Variants in GABRG3 observed in about 807,000 individuals in gnomAD.
GABRG3 encodes the protein gamma-aminobutyric acid type A receptor subunit gamma3, also known as gamma-aminobutyric acid receptor subunit gamma-3.
In GABRG3, 25 loss-of-function variants were observed where a neutral mutation model predicts 48.8. That is an observed-to-expected ratio of 0.51 (90% CI 0.37 to 0.72). The LOEUF is 0.72. GABRG3 is among the 30% of genes least tolerant of loss of function. GABRG3 has a pLI of 0.00. For synonymous variants in GABRG3, 227 were observed against 217.6 expected (o/e 1.04, Z -0.38); for missense variants, 394 against 577.9 (o/e 0.68, Z 3.26).
At chr15:27,246,059 G>A (rs994560332) in intron 3 of GABRG3, among the ~76,000 whole-genome samples, 3 of 151,960 alleles carry the variant, frequency 2.0e-5, no homozygotes, top group Non-Finnish European at 4.4e-5. Flanking sequence ...CAGCTGCCAC[G>A]TGGACTCATC....
At chr15:27,229,724 G>T (rs781358043) in intron 3 of GABRG3, among the ~76,000 whole-genome samples, 1 of 151,980 alleles carries the variant, frequency 6.6e-6, no homozygotes, top group South Asian at 2.1e-4. Context: ...TGATCTGCCC[G>T]CCTCGGACCC....
chr15:27,186,052 G>A (rs919687480), intron 3 of GABRG3, among the ~76,000 whole-genome samples: 2 of 147,336 alleles, frequency 1.4e-5, no homozygotes, highest in African/African-American at 2.5e-5. Flanking sequence ...TTGTAGAATC[G>A]GGATACATAT....
At position 27,127,688 on chromosome 15, in the gene GABRG3, G is replaced by A. The variant is rs562475556; in HGVS notation, c.270+100867G>A. 2.3e-4 allele frequency among the ~76,000 whole-genome samples: 35 copies of A among 152,168 alleles called. No homozygotes were observed. In the South Asian group the frequency reaches 7.1e-3, roughly 31 times the overall value. On this transcript the variant is annotated intron_variant, in intron 3 of 9. Transcript: ENST00000615808. ...TTAAGCAGTGTTTGTTTTGGTGACC[G>A]CATTATTCCCTTTTTCCCCAAGTCA...
At chr15:27,153,083 G>A (rs208160) in intron 3 of GABRG3, among the ~76,000 whole-genome samples, 36 of 151,910 alleles carry the variant, frequency 2.4e-4, no homozygotes, top group African/African-American at 7.3e-4. Flanking sequence ...GGATGGTCTC[G>A]ATCTCCTGAC....
intron 3 of GABRG3, among the ~76,000 whole-genome samples, chr15:27,289,357 T>C (rs1442750417): frequency 6.6e-6 from 1 of 152,236 alleles, no homozygotes; most frequent in Non-Finnish European, 1.5e-5. Flanking sequence ...TTTATTTTTT[T>C]ATTCTTCAAA....
chr15:27,057,337 CT>C (rs1292151419), intron 3 of GABRG3, among the ~76,000 whole-genome samples: 1 of 152,188 alleles, frequency 6.6e-6, no homozygotes, highest in African/African-American at 2.4e-5. Flanking sequence ...CATTTCTGCT[CT>C]TGTAGTTTCA....
chr15:27,147,893 C>T (rs932705348), intron 3 of GABRG3, among the ~76,000 whole-genome samples: 9 of 151,662 alleles, frequency 5.9e-5, no homozygotes, highest in Admixed American at 5.3e-4. Flanking sequence ...ATAACTTTAC[C>T]TTTCCCCTAA....
intron 3 of GABRG3, among the ~76,000 whole-genome samples, chr15:27,064,557 G>A (rs1013749726): frequency 2.6e-5 from 4 of 152,124 alleles, no homozygotes; most frequent in Admixed American, 2.6e-4. Flanking sequence ...CTGCCTCTTT[G>A]TTTGCTGTCC....
intron 3 of GABRG3, among the ~76,000 whole-genome samples, chr15:27,249,309 CT>C (rs1890379656): frequency 6.6e-6 from 1 of 152,294 alleles, no homozygotes; most frequent in East Asian, 1.9e-4. Flanking sequence ...GGCACATCCC[CT>C]GTTCCTCACA....
chr15:27,479,413 G>A lies in GABRG3; in HGVS notation c.575-1237G>A, dbSNP rs976807993. Among the ~76,000 whole-genome samples the A allele has an allele frequency of 1.2e-4, 18 of 152,092 alleles. 1 individual carries two copies. Among genetic ancestry groups the A allele is most frequent in the South Asian group, 6.2e-4 (3 of 4,826 alleles). ...CTGCTGTGTTGACAATAATTTCACCGGGCAACCCACAATCAGAAAGCAGGG... is the reference window on the plus strand; with the variant it reads ...CTGCTGTGTTGACAATAATTTCACCAGGCAACCCACAATCAGAAAGCAGGG... On this transcript the variant is annotated intron_variant, in intron 5 of 9. Transcript: ENST00000615808.
intron 3 of GABRG3, among the ~76,000 whole-genome samples, chr15:27,221,520 C>G (rs1414571985): frequency 6.6e-6 from 1 of 151,924 alleles, no homozygotes; most frequent in Non-Finnish European, 1.5e-5. Context: ...GAAAATTAGC[C>G]TGTTTAAAGT....
At chr15:27,274,794 C>G (rs918825931) in intron 3 of GABRG3, among the ~76,000 whole-genome samples, 1 of 152,146 alleles carries the variant, frequency 6.6e-6, no homozygotes, top group Non-Finnish European at 1.5e-5. Context: ...AATGCCCAAA[C>G]AATTATTATA....
In GABRG3 at chr15:27,352,090, GTGTATGATGTGTGTA is replaced by G. The variant is rs1367206203; in HGVS notation, c.574+23209_574+23223del. On this transcript the variant is annotated intron_variant, in intron 5 of 9. Transcript: ENST00000615808. The surrounding 1 kb of genome is among the most constrained non-coding windows in gnomAD (Gnocchi z 4.0). Reference sequence around the variant, plus strand: ...GTGTGTGTGTGTATGGTGCATGTGTGTGTATGATGTGTGTATGTATGGTGTGTGTGTATGTATGAT... The same window carrying G: ...GTGTGTGTGTGTATGGTGCATGTGTGTGTATGGTGTGTGTGTATGTATGAT... Among the ~76,000 whole-genome samples the G allele has an allele frequency of 6.7e-6, 1 of 150,148 alleles. No individual in the cohort carries two copies. Among genetic ancestry groups the G allele is most frequent in the Non-Finnish European group, 1.5e-5 (1 of 67,444 alleles).
chr15:27,520,181 A>C, intron 7 of GABRG3, 57 bp downstream of exon 7: 1 of 1,441,956 alleles, frequency 6.9e-7, no homozygotes. Context: ...AGAAGCATTC[A>C]TAAAAAATAC....
At chr15:27,194,006 T>G (rs1888417171) in intron 3 of GABRG3, among the ~76,000 whole-genome samples, 1 of 152,250 alleles carries the variant, frequency 6.6e-6, no homozygotes, top group Non-Finnish European at 1.5e-5. Flanking sequence ...TGTTTTCACA[T>G]GGATTACTTG....
chr15:27,400,188 G>A (rs1192939667), intron 5 of GABRG3, among the ~76,000 whole-genome samples: 2 of 152,064 alleles, frequency 1.3e-5, no homozygotes, highest in African/African-American at 4.8e-5. Flanking sequence ...CTAATAATTG[G>A]TAGCTATTAG....
chr15:27,407,830 T>C (rs1358627282), intron 5 of GABRG3, among the ~76,000 whole-genome samples: 1 of 152,106 alleles, frequency 6.6e-6, no homozygotes, highest in Non-Finnish European at 1.5e-5. Context: ...AGTGGATGAA[T>C]AGGTGGAGCC....
intron 5 of GABRG3, among the ~76,000 whole-genome samples, chr15:27,388,227 A>AAGG (rs1566818043): frequency 4.8e-5 from 2 of 42,104 alleles, no homozygotes; most frequent in Non-Finnish European, 8.8e-5. Context: ...GAAGGAAGGA[A>AAGG]AGGGAGGAGG....
At chr15:27,025,196 A>G (rs552284277) in intron 2 of GABRG3, among the ~76,000 whole-genome samples, 17 of 152,104 alleles carry the variant, frequency 1.1e-4, no homozygotes, top group African/African-American at 3.9e-4. Context: ...TTAAGGCTTT[A>G]TGTTTGTTGG....
Sources: allele counts gnomAD v4.1 joint callset (sites outside exome capture counted in the v4.1 genomes callset), GRCh38; gene constraint gnomAD v4.1.1; non-coding constraint Gnocchi (gnomAD v3.1); transcripts MANE v1.5; gene names NCBI Gene and HGNC (gene_info 2026-07-23, HGNC 2026-07-21).